ERC1: variants seen among roughly 807,000 people sequenced by gnomAD.
ERC1 encodes RAB6 interacting protein 2.
In ERC1, 56 loss-of-function variants were observed where a neutral mutation model predicts 132.0. That is an observed-to-expected ratio of 0.42 (90% CI 0.34 to 0.53). The LOEUF (loss-of-function observed/expected upper bound fraction) is 0.53, where lower values mean the gene tolerates loss of function less well. ERC1 is among the 20% of genes least tolerant of loss of function. ERC1 has a pLI of 0.03. For synonymous variants in ERC1, 478 were observed against 476.1 expected, an observed-to-expected ratio of 1.00 and a Z score of -0.05; for missense variants, 1,202 against 1,349.9, an observed-to-expected ratio of 0.89 and a Z score of 1.72.
chr12:1,471,858 C>G (rs1229315791), intron 18 of ERC1, among the ~76,000 whole-genome samples: 3 of 152,170 alleles, frequency 2.0e-5, no homozygotes, highest in Admixed American at 1.3e-4. Flanking sequence ...GCTTGTGCAC[C>G]TGGATGCAGT....
At chr12:1,305,730 C>G (rs1325199887) in intron 15 of ERC1, among the ~76,000 whole-genome samples, 2 of 152,114 alleles carry the variant, frequency 1.3e-5, no homozygotes. Flanking sequence ...TATTTTCAGT[C>G]TGTTAGGATT....
At chr12:1,392,159 A>G (rs575436453) in intron 16 of ERC1, among the ~76,000 whole-genome samples, 140 of 152,290 alleles carry the variant, frequency 9.2e-4, no homozygotes, top group African/African-American at 3.3e-3. Flanking sequence ...GCGAAGGAGC[A>G]GGGTGGGGGT....
At position 1,495,763 on chromosome 12, in the gene ERC1, G is replaced by C. The variant is rs1262012203; in HGVS notation, c.*5533G>C. ...GCACGTGCACCCGCTGCCTTCAGCT[G>C]TATGTGTGTGTTCCTGCTGGAGTTG... On this transcript the variant is annotated 3_prime_UTR_variant, in exon 19 of 19. Coordinates refer to ENST00000360905, the MANE Select transcript of ERC1 (RefSeq NM_178040.4). 1 of 222,316 alleles carries C rather than the reference G, an allele frequency of 4.5e-6. No individual in the cohort carries two copies. Among genetic ancestry groups the C allele is most frequent in the African/African-American group, 2.2e-5 (1 of 44,670 alleles). The allele number at this position is 222,316 out of a possible 1,614,324, so 13.8% of individuals were successfully genotyped here.
intron 15 of ERC1, among the ~76,000 whole-genome samples, chr12:1,304,823 T>C (rs1379112336): frequency 7.8e-6 from 1 of 127,540 alleles, no homozygotes; most frequent in African/African-American, 2.9e-5. Context: ...GGAGTCTCGC[T>C]CTGCTGCCCG....
In ERC1 at chr12:1,000,839, G is replaced by A. The variant is rs576925058; in HGVS notation, c.-157+9517G>A. ...TTCAGACCTTAAACATAATTTTACTGTAGGAATATAACTTACCTTTTGAAG... is the reference window on the plus strand; with the variant it reads ...TTCAGACCTTAAACATAATTTTACTATAGGAATATAACTTACCTTTTGAAG... On this transcript the variant is annotated intron_variant, in intron 1 of 18. Coordinates refer to ENST00000360905, the MANE Select transcript of ERC1 (RefSeq NM_178040.4). Among the ~76,000 whole-genome samples, 8 of 152,284 alleles carry A rather than the reference G, an allele frequency of 5.3e-5. No individual in the cohort carries two copies. The East Asian group carries it at 1.5e-3, about 29-fold the overall frequency.
chr12:1,354,339 C>A (rs2085318474), intron 15 of ERC1, among the ~76,000 whole-genome samples: 1 of 152,002 alleles, frequency 6.6e-6, no homozygotes, highest in Admixed American at 6.5e-5. Context: ...GCCTAGCCGA[C>A]ACGGTGAAAC....
At chr12:1,341,063 C>CTTTTTCTTT (rs2083798800) in intron 15 of ERC1, among the ~76,000 whole-genome samples, 2 of 45,160 alleles carry the variant, frequency 4.4e-5, no homozygotes, top group Non-Finnish European at 9.1e-5. Flanking sequence ...TTATTCTTTT[C>CTTTTTCTTT]TTTTTCTTTT....
intron 3 of ERC1, among the ~76,000 whole-genome samples, chr12:1,099,995 G>A (rs1439389898): frequency 2.0e-5 from 3 of 151,586 alleles, no homozygotes; most frequent in East Asian, 1.9e-4. Flanking sequence ...TTGCAGGTGC[G>A]CACCACCAGG....
chr12:1,073,932 T>A (rs1316859522), intron 2 of ERC1, among the ~76,000 whole-genome samples: 3 of 128,374 alleles, frequency 2.3e-5, no homozygotes, highest in African/African-American at 8.9e-5. Flanking sequence ...AGTGGCATGA[T>A]CTCCACTCAC....
intron 7 of ERC1, among the ~76,000 whole-genome samples, chr12:1,138,353 ATATATGT>A (rs1289168286): frequency 3.6e-5 from 5 of 138,244 alleles, no homozygotes; most frequent in African/African-American, 8.6e-5. Flanking sequence ...ATAATATATA[ATATATGT>A]TATATGTAAG....
In ERC1 at chr12:1,444,708, G is replaced by A. The variant is rs930321119; in HGVS notation, c.3171G>A (p.Gln1057=). Residue 1057 remains glutamine, a synonymous_variant, in exon 18 of 19, where the codon CAG becomes CAA. Coordinates refer to ENST00000360905, the MANE Select transcript of ERC1 (RefSeq NM_178040.4). ...CTTCCTATAACTTGGACGATGACCA[G>A]GCGGCTTGGGAGAATGAGCTGCAGA... ...PPASYNLDDD[Q]AAWENELQKM... The A allele has an allele frequency of 1.2e-6, 2 of 1,614,146 alleles. No individual in the cohort carries two copies. Among genetic ancestry groups the A allele is most frequent in the Middle Eastern group, 3.3e-4 (2 of 6,062 alleles).
chr12:1,081,948 C>T (rs1293688347), intron 2 of ERC1, among the ~76,000 whole-genome samples: 1 of 145,224 alleles, frequency 6.9e-6, no homozygotes, highest in Non-Finnish European at 1.6e-5. Flanking sequence ...ATACAAACTA[C>T]TTGTTAAATG....
At chr12:1,246,205 A>G (rs2076149067) in intron 13 of ERC1, among the ~76,000 whole-genome samples, 3 of 152,224 alleles carry the variant, frequency 2.0e-5, no homozygotes, top group Admixed American at 2.0e-4. Flanking sequence ...GGTGACTTAT[A>G]ACATTATTCG....
chr12:1,084,197 A>C (rs35619011), intron 3 of ERC1, among the ~76,000 whole-genome samples: 28,823 of 152,236 alleles, frequency 0.19, 3,472 homozygotes, highest in Non-Finnish European at 0.25. Flanking sequence ...TAAATAATGT[A>C]TCATTTTAAG....
chr12:1,442,517 A>C (rs1447970854), intron 17 of ERC1, among the ~76,000 whole-genome samples: 2 of 152,198 alleles, frequency 1.3e-5, no homozygotes, highest in Non-Finnish European at 2.9e-5. Flanking sequence ...TTTTAAAAAC[A>C]AAAGTAATGC....
At position 1,083,365 on chromosome 12, in the gene ERC1, A is replaced by G. The variant is rs777744343; in HGVS notation, c.871A>G (p.Met291Val). 1 of 1,614,176 alleles carries G rather than the reference A, an allele frequency of 6.2e-7. No homozygotes were observed. Among genetic ancestry groups the G allele is most frequent in the South Asian group, 1.1e-5 (1 of 91,068 alleles). The change falls in exon 3 of 19, where the codon ATG (methionine) becomes GTG (valine). Residue 291 changes from methionine (M) to valine (V), a missense_variant. Physicochemically the swap from Met to Val is conservative, Grantham distance 21 (BLOSUM62 1). Transcript: ENST00000360905. ...TCTTCTTCGAAAGACATTGGAGGAA[A>G]TGGAGCTGCGTATTGAGACTCAAAA... Reference protein sequence around the residue: ...LFLLRKTLEEMELRIETQKQT... With the variant: ...LFLLRKTLEEVELRIETQKQT...
chr12:1,124,904 A>G (rs1391644888), intron 7 of ERC1, among the ~76,000 whole-genome samples: 2 of 152,230 alleles, frequency 1.3e-5, no homozygotes, highest in African/African-American at 2.4e-5. Flanking sequence ...AACAGTCGTT[A>G]TAGAAATTGA....
At chr12:1,108,548 A>C (rs1034591931) in intron 4 of ERC1, among the ~76,000 whole-genome samples, 1 of 152,152 alleles carries the variant, frequency 6.6e-6, no homozygotes, top group African/African-American at 2.4e-5. Context: ...GCTTATGCCT[A>C]GTATTTTAGT....
intron 15 of ERC1, among the ~76,000 whole-genome samples, chr12:1,317,533 CA>C (rs2081845416): frequency 6.6e-6 from 1 of 152,036 alleles, no homozygotes. Flanking sequence ...ACGTGTATCC[CA>C]GAACTTAAAG....
Sources: gnomAD v4.1 joint callset for allele counts (sites outside exome capture counted in the v4.1 genomes callset) on GRCh38, gnomAD v4.1.1 for gene constraint, MANE v1.5 for transcripts, NCBI Gene and HGNC (gene_info 2026-07-23, HGNC 2026-07-21) for gene names.